Variants in SH3RF3 observed in about 807,000 individuals in gnomAD.
SH3RF3 encodes the protein SH3 domain containing ring finger 3.
In SH3RF3, 29 loss-of-function variants were observed where a neutral mutation model predicts 66.3. That is an observed-to-expected ratio of 0.44 (90% CI 0.33 to 0.60). The LOEUF (loss-of-function observed/expected upper bound fraction) is 0.60. Ranked by LOEUF, SH3RF3 falls within the 20% of genes least tolerant of loss-of-function variation. SH3RF3 has a pLI of 0.04. For synonymous variants in SH3RF3, 583 were observed against 532.0 expected (o/e 1.10, Z -1.32); for missense variants, 1,194 against 1,190.9 (o/e 1.00, Z -0.04).
intron 1 of SH3RF3, among the ~76,000 whole-genome samples, chr2:109,168,439 G>A (rs372524301): frequency 6.6e-6 from 1 of 152,294 alleles, no homozygotes; most frequent in African/African-American, 2.4e-5. Flanking sequence ...CTGTGCTTGC[G>A]AGATGGGCTC....
chr2:109,188,383 T>C (rs950002686), intron 1 of SH3RF3, among the ~76,000 whole-genome samples: 4 of 152,190 alleles, frequency 2.6e-5, no homozygotes, highest in African/African-American at 9.6e-5. Flanking sequence ...CAGGGTTGCA[T>C]GGGAGGCTGC....
At chr2:109,136,483 C>G (rs1176949123) in intron 1 of SH3RF3, among the ~76,000 whole-genome samples, 1 of 152,158 alleles carries the variant, frequency 6.6e-6, no homozygotes, top group Admixed American at 6.5e-5. Context: ...GTGAGCCTCC[C>G]TTTTCCCATT....
intron 2 of SH3RF3, 39 bp from the exon 3 acceptor site, chr2:109,371,547 G>GTC (rs1315301763): frequency 6.4e-7 from 1 of 1,560,804 alleles, no homozygotes; most frequent in African/African-American, 1.4e-5. Context: ...TTGTGTGTGT[G>GTC]TCCGTATGCT....
Position 109,129,933 on chromosome 2 carries a change from C to T in SH3RF3, c.393C>T (p.Pro131=), listed in dbSNP as rs537058383. 1,079 of 1,481,054 alleles carry T rather than the reference C, an allele frequency of 7.3e-4. 4 individuals carry two copies. In the African/African-American group the frequency reaches 0.014, roughly 19 times the overall value. The allele number at this position is 1,481,054 out of a possible 1,614,324, so 91.7% of individuals were successfully genotyped here. Residue 131 remains proline, a synonymous_variant, in exon 1 of 10, where the codon CCC becomes CCT. Transcript: ENST00000309415. ...AGCGGCCCCGCGCGGGCACCAGCCCCGGCGGCAGCCCGCCCGCGCGTCCCA... is the reference window on the plus strand; with the variant it reads ...AGCGGCCCCGCGCGGGCACCAGCCCTGGCGGCAGCCCGCCCGCGCGTCCCA... ...IRQRPRAGTS[P]GGSPPARPIP... is the part of the protein sequence containing the mutation.
At chr2:109,142,192 G>C (rs994579063) in intron 1 of SH3RF3, among the ~76,000 whole-genome samples, 1 of 152,098 alleles carries the variant, frequency 6.6e-6, no homozygotes, top group Admixed American at 6.5e-5. Flanking sequence ...CCCCCTGGGC[G>C]GACTCTTGCG....
intron 5 of SH3RF3, among the ~76,000 whole-genome samples, chr2:109,421,348 C>T (rs994624470): frequency 1.3e-5 from 2 of 152,248 alleles, no homozygotes; most frequent in African/African-American, 4.8e-5. Flanking sequence ...GTAGCTGCCA[C>T]TTGTTCTATG....
chr2:109,493,099 C>G (rs1207987853), intron 9 of SH3RF3, among the ~76,000 whole-genome samples: 3 of 150,894 alleles, frequency 2.0e-5, no homozygotes, highest in Non-Finnish European at 4.4e-5. Flanking sequence ...CAAACATACA[C>G]ATACACCACA....
intron 2 of SH3RF3, among the ~76,000 whole-genome samples, chr2:109,349,930 G>A (rs796604579): frequency 3.9e-4 from 60 of 152,310 alleles, no homozygotes; most frequent in African/African-American, 1.3e-3. Flanking sequence ...GAAACATACC[G>A]GGCCCTGACT....
Position 109,272,155 on chromosome 2 carries a change from G to T in SH3RF3, c.574-75519G>T, listed in dbSNP as rs569018500. On this transcript the variant is annotated intron_variant, in intron 1 of 9. Transcript: ENST00000309415. ...TGGACTTATCCCTCCCTGGTCTGAG[G>T]AATAAGATGTACCCTTGGGTCAGAA... Among the ~76,000 whole-genome samples, 3 of 152,314 alleles carry T rather than the reference G, an allele frequency of 2.0e-5. No homozygotes were observed. The South Asian group carries it at 6.2e-4, about 32-fold the overall frequency.
intron 1 of SH3RF3, among the ~76,000 whole-genome samples, chr2:109,167,890 A>G (rs962844776): frequency 3.1e-4 from 47 of 152,220 alleles, no homozygotes; most frequent in Admixed American, 2.0e-3. Flanking sequence ...AATTCTCTCC[A>G]CTTGACCGTA....
At chr2:109,338,367 G>A (rs373785752) in intron 1 of SH3RF3, among the ~76,000 whole-genome samples, 7 of 152,048 alleles carry the variant, frequency 4.6e-5, no homozygotes, top group African/African-American at 1.2e-4. Context: ...CTCCTTGAGC[G>A]CTGGGGACCC....
At chr2:109,368,001 A>G (rs1683183064) in intron 2 of SH3RF3, among the ~76,000 whole-genome samples, 1 of 152,286 alleles carries the variant, frequency 6.6e-6, no homozygotes, top group African/African-American at 2.4e-5. Context: ...CAGGCAAAGG[A>G]ACAAAAGGGG....
chr2:109,291,988 C>T (rs548463484), intron 1 of SH3RF3, among the ~76,000 whole-genome samples: 3 of 152,292 alleles, frequency 2.0e-5, no homozygotes, highest in South Asian at 2.1e-4. Flanking sequence ...CTCAGCCTCT[C>T]GAGTAGCTGG....
chr2:109,371,823 G>A (rs887369664), intron 3 of SH3RF3, 142 bp downstream of exon 3: 19 of 730,136 alleles, frequency 2.6e-5, no homozygotes, highest in African/African-American at 1.6e-4. Context: ...GAGCTGCTAT[G>A]TGTGGGCTTT....
At chr2:109,452,960 TGGGAGGCTGGTCCCTGGGAGGCTATTCCC>T (rs1677929060) in intron 8 of SH3RF3, among the ~76,000 whole-genome samples, 1 of 144,912 alleles carries the variant, frequency 6.9e-6, no homozygotes, top group African/African-American at 2.6e-5. Flanking sequence ...GGCTGGTCCC[TGGGAGGCTGGTCCCTGGGAGGCTATTCCC>T]GGGAGGCTGG....
chr2:109,434,150 C>A (rs1208292348), intron 6 of SH3RF3, among the ~76,000 whole-genome samples: 2 of 152,216 alleles, frequency 1.3e-5, no homozygotes, highest in African/African-American at 4.8e-5. Flanking sequence ...CAGGTCACCC[C>A]TCTAGGTTAG....
chr2:109,483,487 T>G (rs1678886730), intron 8 of SH3RF3, among the ~76,000 whole-genome samples: 1 of 152,214 alleles, frequency 6.6e-6, no homozygotes, highest in Non-Finnish European at 1.5e-5. Context: ...CTTGGCACCT[T>G]CCGCCTGTTT....
intron 1 of SH3RF3, among the ~76,000 whole-genome samples, chr2:109,303,124 C>A (rs796452647): frequency 2.0e-5 from 3 of 152,338 alleles, no homozygotes; most frequent in African/African-American, 7.2e-5. Flanking sequence ...GATCCGTCCG[C>A]CTCAGCCTCA....
chr2:109,225,922 T>C (rs1679365709), intron 1 of SH3RF3, among the ~76,000 whole-genome samples: 1 of 152,190 alleles, frequency 6.6e-6, no homozygotes, highest in Non-Finnish European at 1.5e-5. Context: ...CTTTCCACCA[T>C]GCCAGCTAAA....
Sources: allele counts gnomAD v4.1 joint callset (sites outside exome capture counted in the v4.1 genomes callset), GRCh38; gene constraint gnomAD v4.1.1; transcripts MANE v1.5; gene names NCBI Gene and HGNC (gene_info 2026-07-23, HGNC 2026-07-21).